ADAMTSL2: variants seen among roughly 807,000 people sequenced by gnomAD.
ADAMTSL2 encodes the protein ADAMTS like 2.
In ADAMTSL2, 55 loss-of-function variants were observed where a neutral mutation model predicts 117.0. That is an observed-to-expected ratio of 0.47 (90% CI 0.38 to 0.59). The LOEUF is 0.59. Among genes scored for constraint, ADAMTSL2 ranks in the 20% least tolerant of loss-of-function variants. The probability of loss-of-function intolerance (pLI) is 0.00; values close to 1 mark genes in which losing one functional copy is unlikely to be tolerated. For missense variants in ADAMTSL2, 1,182 were observed against 1,354.5 expected (o/e 0.87, Z 2.00); for synonymous variants, 572 against 566.4 (o/e 1.01, Z -0.14).
intron 16 of ADAMTSL2, 72 bp downstream of exon 16, chr9:133,569,650 T>A: frequency 6.9e-7 from 1 of 1,448,546 alleles, no homozygotes; most frequent in Non-Finnish European, 9.5e-7. Flanking sequence ...GAGAGCCAGA[T>A]GGCTGGGACC....
At chr9:133,555,100 C>T (rs1830575111) in intron 10 of ADAMTSL2, among the ~76,000 whole-genome samples, 2 of 152,052 alleles carry the variant, frequency 1.3e-5, no homozygotes, top group South Asian at 2.1e-4. Flanking sequence ...GGGCCCCAGG[C>T]GCCCCTTGGC....
In ADAMTSL2 at chr9:133,535,416, C is replaced by A. The variant is rs147793666; in HGVS notation, c.-151+499C>A. 2.3e-3 allele frequency among the ~76,000 whole-genome samples: 349 copies of A among 152,070 alleles called. 2 individuals are homozygous for A. Among genetic ancestry groups the A allele is most frequent in the African/African-American group, 8.2e-3 (341 of 41,474 alleles). On this transcript the variant is annotated intron_variant, in intron 1 of 18. Transcript: ENST00000651351. Reference sequence around the variant, plus strand: ...GGGGGCAGGGGAGGTCAGACTCAGGCTCCCCACTCCAGGGTGCACTGCTGC... The same window carrying A: ...GGGGGCAGGGGAGGTCAGACTCAGGATCCCCACTCCAGGGTGCACTGCTGC...
intron 9 of ADAMTSL2, among the ~76,000 whole-genome samples, chr9:133,551,519 G>A (rs1265066864): frequency 6.6e-6 from 1 of 152,220 alleles, no homozygotes; most frequent in Non-Finnish European, 1.5e-5. Flanking sequence ...GTCGCCTGAT[G>A]TCCCGTAGCC....
chr9:133,545,263 A>G (rs976754469), intron 8 of ADAMTSL2, among the ~76,000 whole-genome samples: 5 of 152,134 alleles, frequency 3.3e-5, no homozygotes, highest in African/African-American at 1.2e-4. Context: ...CCTTCCCTTT[A>G]TGGGGCGGGC....
At chr9:133,561,137 CG>C in intron 11 of ADAMTSL2, 60 bp from the exon 12 acceptor site, 2 of 1,439,364 alleles carry the variant, frequency 1.4e-6, no homozygotes, top group Non-Finnish European at 1.9e-6. Context: ...CCTGAAAAGC[CG>C]GAGCCTGCCG....
At chr9:133,564,513 G>A (rs202242063) in intron 12 of ADAMTSL2, among the ~76,000 whole-genome samples, 40 of 10,730 alleles carry the variant, frequency 3.7e-3, no homozygotes, top group East Asian at 6.7e-3. Flanking sequence ...AGAGAGAGAG[G>A]GAGAGGGAGA....
intron 7 of ADAMTSL2, 121 bp downstream of exon 7, chr9:133,541,122 C>A: frequency 1.4e-6 from 2 of 1,409,538 alleles, no homozygotes; most frequent in Non-Finnish European, 2.0e-6. Context: ...TCTAGGGGCA[C>A]CTGATTCAGC....
At position 133,568,206 on chromosome 9, in the gene ADAMTSL2, G is replaced by T. The variant is rs1564181163; in HGVS notation, c.1875-67G>T. The T allele has an allele frequency of 2.1e-5, 31 of 1,485,486 alleles. No individual in the cohort carries two copies. The South Asian group carries it at 3.5e-4, about 17-fold the overall frequency. The allele number at this position is 1,485,486 out of a possible 1,614,324, so 92.0% of individuals were successfully genotyped here. On this transcript the variant is annotated intron_variant, in intron 13 of 18. Transcript: ENST00000651351. ...GGGAGGAGCCGCGTTGTCTCTGGGG[G>T]TGTGGGTTGCATGGGGTCCCGGCTG...
At chr9:133,538,245 C>G (rs898244346) in intron 3 of ADAMTSL2, 104 bp from the exon 4 acceptor site, 1 of 1,371,800 alleles carries the variant, frequency 7.3e-7, no homozygotes, top group Non-Finnish European at 1.0e-6. Context: ...CTCTGGGTCA[C>G]GGGTATCGGG....
rs925632408 is a variant in ADAMTSL2 at position 133,555,921 on chromosome 9, A to G, written c.1640A>G (p.His547Arg). ...SLLTSAGNRT[H>R]KARTRPKARK... is the part of the protein sequence containing the mutation. ...CTCACCTCGGCCGGGAACAGGACTC[A>G]CAAGGCCAGGTAGGAGGCACTTTCC... Residue 547 changes from histidine to arginine, a missense_variant, in exon 11 of 19, where the codon CAC becomes CGC. Coordinates refer to ENST00000651351, the MANE Select transcript of ADAMTSL2 (RefSeq NM_014694.4). The G allele has an allele frequency of 1.9e-5, 30 of 1,611,890 alleles. No homozygotes were observed. In the African/African-American group the frequency reaches 3.5e-4, roughly 19 times the overall value.
In ADAMTSL2 at chr9:133,557,521, G is replaced by C. The variant is rs1830629779; in HGVS notation, c.1649+1591G>C. ...GCGGGGAGGGCCGGGCCTTGCTTTG[G>C]GTATAGTGTCTGAGTCTGAGAGGGG... is the stretch of plus-strand genomic sequence containing the variant. On this transcript the variant is annotated intron_variant, in intron 11 of 18. Transcript: ENST00000651351. The surrounding 1 kb of genome is among the most constrained non-coding windows in gnomAD (Gnocchi z 5.2). Among the ~76,000 whole-genome samples, 1 of 152,164 alleles carries C rather than the reference G, an allele frequency of 6.6e-6. No homozygotes were observed. Among genetic ancestry groups the C allele is most frequent in the Non-Finnish European group, 1.5e-5 (1 of 68,030 alleles).
In ADAMTSL2 at chr9:133,562,856, C is replaced by T. The variant is rs1465373958; in HGVS notation, c.1747+1561C>T. On this transcript the variant is annotated intron_variant, in intron 12 of 18. Coordinates refer to ENST00000651351, the MANE Select transcript of ADAMTSL2 (RefSeq NM_014694.4). ...GGTGGGCACCCGGCTTGGCCAGGCT[C>T]GCACCGCTGTGGGAGGCGTGGTGGG... 1.0e-3 allele frequency among the ~76,000 whole-genome samples: 127 copies of T among 123,428 alleles called. 11 individuals are homozygous for T. Among genetic ancestry groups the T allele is most frequent in the African/African-American group, 4.0e-3 (119 of 30,124 alleles). 81.0% of individuals were successfully genotyped at this position (123,428 alleles called of 152,430 possible). A position where few individuals can be genotyped will look rare whatever the true frequency, so the allele number is the denominator to read the frequency against.
chr9:133,568,193 G>A lies in ADAMTSL2; in HGVS notation c.1875-80G>A, dbSNP rs991375010. 1.3e-4 allele frequency: 185 copies of A among 1,430,118 alleles called. 1 individual carries two copies. Among genetic ancestry groups the A allele is most frequent in the Non-Finnish European group, 1.5e-4 (159 of 1,051,398 alleles). 88.6% of individuals were successfully genotyped at this position (1,430,118 alleles called of 1,614,324 possible). On this transcript the variant is annotated intron_variant, in intron 13 of 18. Coordinates refer to ENST00000651351, the MANE Select transcript of ADAMTSL2 (RefSeq NM_014694.4). ...CATAGGGGAGGAAGGGAGGAGCCGC[G>A]TTGTCTCTGGGGGTGTGGGTTGCAT... is the stretch of plus-strand genomic sequence containing the variant.
chr9:133,555,655 C>G lies in ADAMTSL2; in HGVS notation c.1374C>G (p.Ile458Met), dbSNP rs1224276478. ...ASQEFFSANA[I>M]SDQLLGAGSD... ...AGGAGTTCTTCTCGGCTAACGCCAT[C>G]TCTGACCAGCTGCTGGGCGCAGGCT... Residue 458 changes from isoleucine (I) to methionine (M), a missense_variant, in exon 11 of 19, where the codon ATC becomes ATG. Coordinates refer to ENST00000651351, the MANE Select transcript of ADAMTSL2 (RefSeq NM_014694.4). 6.2e-7 allele frequency: 1 copy of G among 1,613,788 alleles called. No individual in the cohort carries two copies. The highest frequency in any genetic ancestry group is 8.5e-7 in the Non-Finnish European group (1 of 1,180,040).
chr9:133,554,495 C>T lies in ADAMTSL2; in HGVS notation c.1078C>T (p.Leu360=). Residue 360 remains leucine, a synonymous_variant, in exon 10 of 19, where the codon CTG becomes TTG. Transcript: ENST00000651351. This position sits in a 1 kb window ranked among gnomAD's most constrained non-coding sequence, Gnocchi z 5.2. ...AESQGLDGAG[L]MGFVPHNGSL... ...GAGCCAGGGCCTGGACGGGGCCGGG[C>T]TGATGGGCTTCGTCCCGCACAACGG... 6.4e-7 allele frequency: 1 copy of T among 1,551,022 alleles called. No individual in the cohort carries two copies. The highest frequency in any genetic ancestry group is 1.7e-4 in the Middle Eastern group (1 of 5,978).
chr9:133,568,105 C>T (rs1011738137), intron 13 of ADAMTSL2, among the ~76,000 whole-genome samples, 168 bp from the exon 14 acceptor site: 3 of 152,356 alleles, frequency 2.0e-5, no homozygotes, highest in African/African-American at 7.2e-5. Flanking sequence ...ATGGCCCAGC[C>T]TGCACCCTTG....
At chr9:133,569,368 C>T (rs1246798130) in intron 15 of ADAMTSL2, 40 bp from the exon 16 acceptor site, 3 of 1,605,584 alleles carry the variant, frequency 1.9e-6, no homozygotes, top group Non-Finnish European at 2.6e-6. Context: ...GGTGTGGCTG[C>T]CTCTCACTGG....
upstream of ADAMTSL2, chr9:133,534,633 T>G: frequency 7.8e-7 from 1 of 1,289,258 alleles, no homozygotes; most frequent in South Asian, 2.6e-5. Flanking sequence ...GGGAGCGGCC[T>G]GGTGGGAAGT....
intron 2 of ADAMTSL2, 57 bp downstream of exon 2, chr9:133,536,859 A>G: frequency 6.2e-7 from 1 of 1,612,542 alleles, no homozygotes; most frequent in Non-Finnish European, 8.5e-7. Flanking sequence ...AGGTGCTGTG[A>G]TCACTCTCAG....
Sources: allele counts gnomAD v4.1 joint callset (sites outside exome capture counted in the v4.1 genomes callset), GRCh38; gene constraint gnomAD v4.1.1; non-coding constraint Gnocchi (gnomAD v3.1); transcripts MANE v1.5; gene names NCBI Gene and HGNC (gene_info 2026-07-23, HGNC 2026-07-21).